ATP8A1: variants seen among roughly 807,000 people sequenced by gnomAD.
ATP8A1 encodes phospholipid-transporting ATPase IA.
Under a neutral mutation model 177.7 loss-of-function variants are expected in ATP8A1, and 90 were observed. The observed-to-expected ratio is 0.51, with a 90% CI of 0.43 to 0.60. The LOEUF is 0.60. Among genes scored for constraint, ATP8A1 ranks in the 20% least tolerant of loss-of-function variants. The probability of loss-of-function intolerance (pLI) is 0.00; values close to 1 mark genes in which losing one functional copy is unlikely to be tolerated. For synonymous variants in ATP8A1, 493 were observed against 485.9 expected, an observed-to-expected ratio of 1.01 and a Z score of -0.19; for missense variants, 1,072 against 1,392.8, an observed-to-expected ratio of 0.77 and a Z score of 3.67.
intron 25 of ATP8A1, among the ~76,000 whole-genome samples, chr4:42,477,231 C>T (rs1182775240): frequency 6.6e-6 from 1 of 152,162 alleles, no homozygotes; most frequent in Non-Finnish European, 1.5e-5. Flanking sequence ...AAGGTAAATA[C>T]TCCTGTGAGA....
intron 18 of ATP8A1, among the ~76,000 whole-genome samples, chr4:42,549,284 C>T (rs542481754): frequency 5.3e-5 from 8 of 152,128 alleles, no homozygotes; most frequent in Admixed American, 1.3e-4. Flanking sequence ...AAAGTGTCAC[C>T]GAAGAGTTCT....
chr4:42,657,014 C>G lies in ATP8A1; in HGVS notation c.-141G>C, dbSNP rs868540411. 4 of 846,866 alleles carry G rather than the reference C, an allele frequency of 4.7e-6. No homozygotes were observed. The Middle Eastern group carries it at 1.2e-3, about 261-fold the overall frequency. The allele number at this position is 846,866 out of a possible 1,614,324, so 52.5% of individuals were successfully genotyped here. On this transcript the variant is annotated 5_prime_UTR_variant, in exon 1 of 37. Coordinates refer to ENST00000381668, the MANE Select transcript of ATP8A1 (RefSeq NM_006095.2). Reference sequence around the variant, plus strand: ...CGCCGCCCACCTAGGGCAGAGCTGCCGCCGGGCGCGGCCCCCGCACGCCGA... The same window carrying G: ...CGCCGCCCACCTAGGGCAGAGCTGCGGCCGGGCGCGGCCCCCGCACGCCGA...
chr4:42,534,413 T>A (rs1727572258), intron 20 of ATP8A1, among the ~76,000 whole-genome samples: 1 of 151,920 alleles, frequency 6.6e-6, no homozygotes, highest in Non-Finnish European at 1.5e-5. Context: ...AAAAAGAACT[T>A]CAGAGCTCAA....
At position 42,574,265 on chromosome 4, in the gene ATP8A1, C is replaced by T. The variant is rs139246729; in HGVS notation, c.1295+354G>A. Among the ~76,000 whole-genome samples, 346 of 152,174 alleles carry T rather than the reference C, an allele frequency of 2.3e-3. 2 individuals carry two copies. The highest frequency in any genetic ancestry group is 0.016 in the Admixed American group (245 of 15,294). ...AACTGTCACTATTTTAACTTGAAAA[C>T]TGCTCAAGGCCTGATTATCTGTCCT... On this transcript the variant is annotated intron_variant, in intron 14 of 36. Transcript: ENST00000381668.
chr4:42,430,209 C>A (rs768622422), intron 33 of ATP8A1, among the ~76,000 whole-genome samples: 5 of 152,122 alleles, frequency 3.3e-5, no homozygotes, highest in Non-Finnish European at 7.4e-5. Context: ...CCAGAATCTA[C>A]CCACTTCACG....
intron 25 of ATP8A1, among the ~76,000 whole-genome samples, chr4:42,469,096 G>A (rs1375744106): frequency 6.6e-6 from 1 of 152,074 alleles, no homozygotes; most frequent in Non-Finnish European, 1.5e-5. Context: ...AGAATGTACT[G>A]ATTCCTTTTA....
intron 35 of ATP8A1, among the ~76,000 whole-genome samples, chr4:42,421,020 G>A (rs993917779): frequency 7.9e-5 from 12 of 151,890 alleles, no homozygotes; most frequent in African/African-American, 2.2e-4. Context: ...TGCCCGCCTC[G>A]GCCTCCCAAA....
chr4:42,647,415 T>C (rs75540488), intron 1 of ATP8A1, among the ~76,000 whole-genome samples: 3,265 of 152,232 alleles, frequency 0.021, 54 homozygotes, highest in South Asian at 0.057. Flanking sequence ...AGATGCACTA[T>C]AAAATGCCCA....
intron 24 of ATP8A1, among the ~76,000 whole-genome samples, chr4:42,487,832 AC>A (rs762011556): frequency 3.9e-5 from 6 of 152,178 alleles, no homozygotes; most frequent in Non-Finnish European, 5.9e-5. Flanking sequence ...AGACTGCCCA[AC>A]TTTCCTAATG....
chr4:42,481,448 A>C (rs1721660929), intron 25 of ATP8A1, among the ~76,000 whole-genome samples: 1 of 152,206 alleles, frequency 6.6e-6, no homozygotes, highest in African/African-American at 2.4e-5. Context: ...CACAAAACCA[A>C]GGCCAGAGAG....
intron 1 of ATP8A1, among the ~76,000 whole-genome samples, chr4:42,630,450 G>A (rs1157274931): frequency 1.3e-5 from 2 of 152,204 alleles, no homozygotes; most frequent in Non-Finnish European, 2.9e-5. Context: ...CAGAAAGCAA[G>A]GGGAAGGCGA....
intron 33 of ATP8A1, among the ~76,000 whole-genome samples, chr4:42,426,134 T>C (rs796443864): frequency 6.6e-6 from 1 of 152,238 alleles, no homozygotes; most frequent in Non-Finnish European, 1.5e-5. Context: ...CGAGTTTATG[T>C]GCATTTGGCC....
chr4:42,577,112 A>T (rs527352459), intron 12 of ATP8A1, among the ~76,000 whole-genome samples: 18 of 152,230 alleles, frequency 1.2e-4, no homozygotes, highest in Admixed American at 3.3e-4. Flanking sequence ...TGAAAGCATA[A>T]GCCTGCTGGG....
chr4:42,600,105 A>G (rs1735092108), intron 6 of ATP8A1, among the ~76,000 whole-genome samples: 1 of 150,686 alleles, frequency 6.6e-6, no homozygotes. Flanking sequence ...TCACTATATG[A>G]ATTGGAAGTA....
intron 4 of ATP8A1, among the ~76,000 whole-genome samples, chr4:42,622,216 G>GAAA (rs3046095): frequency 7.0e-4 from 97 of 137,724 alleles, no homozygotes; most frequent in Middle Eastern, 3.7e-3. Flanking sequence ...TCTCTACTAG[G>GAAA]AAAAAAAAAA....
chr4:42,651,272 T>C (rs1355021011), intron 1 of ATP8A1, among the ~76,000 whole-genome samples: 2 of 152,068 alleles, frequency 1.3e-5, no homozygotes, highest in African/African-American at 4.8e-5. Flanking sequence ...ATACAGTACA[T>C]TGGTACCAGA....
At chr4:42,456,807 A>T (rs771344507) in intron 27 of ATP8A1, among the ~76,000 whole-genome samples, 9 of 152,172 alleles carry the variant, frequency 5.9e-5, no homozygotes, top group Admixed American at 5.2e-4. Context: ...GAATTTTTGA[A>T]TCAGAGTTGC....
At chr4:42,443,722 CACAA>C (rs1359777529) in intron 32 of ATP8A1, 50 bp from the exon 33 acceptor site, 4 of 797,378 alleles carry the variant, frequency 5.0e-6, no homozygotes, top group Non-Finnish European at 8.9e-6. Flanking sequence ...AGACCGAGTA[CACAA>C]ATACTAATGA....
intron 25 of ATP8A1, chr4:42,472,325 A>T: frequency 4.1e-6 from 2 of 493,238 alleles, no homozygotes; most frequent in Non-Finnish European, 7.9e-6. Context: ...TCTGGTGTCT[A>T]TAAGCAGCTC....
Sources: gnomAD v4.1 joint callset for allele counts (sites outside exome capture counted in the v4.1 genomes callset) on GRCh38, gnomAD v4.1.1 for gene constraint, MANE v1.5 for transcripts, NCBI Gene and HGNC (gene_info 2026-07-23, HGNC 2026-07-21) for gene names.